POLR3G: variants seen among roughly 807,000 people sequenced by gnomAD.
The protein encoded by POLR3G is RNA polymerase III subunit G.
In POLR3G, 28 loss-of-function variants were observed where a neutral mutation model predicts 30.1. The observed-to-expected ratio is 0.93, with a 90% CI of 0.69 to 1.27. The LOEUF is 1.27. Ranked by LOEUF, POLR3G falls within the 50% of genes most tolerant of loss-of-function variation. The probability of loss-of-function intolerance (pLI) is 0.00; values close to 1 mark genes in which losing one functional copy is unlikely to be tolerated. For missense variants in POLR3G, 254 were observed against 264.6 expected (o/e 0.96, Z 0.28); for synonymous variants, 79 against 82.5 (o/e 0.96, Z 0.23).
upstream of POLR3G, chr5:90,474,624 A>C (rs370357466): frequency 3.0e-6 from 1 of 337,940 alleles, no homozygotes; most frequent in African/African-American, 2.2e-5. Flanking sequence ...CAGAATGGAG[A>C]CTCAGGTGGC....
At chr5:90,494,956 G>A (rs1474933532) in intron 3 of POLR3G, among the ~76,000 whole-genome samples, 2 of 152,108 alleles carry the variant, frequency 1.3e-5, no homozygotes, top group African/African-American at 4.8e-5. Flanking sequence ...AGAAGTCATT[G>A]TGTTACAAAT....
At chr5:90,492,578 CTT>C (rs1001202947) in intron 3 of POLR3G, among the ~76,000 whole-genome samples, 1 of 152,086 alleles carries the variant, frequency 6.6e-6, no homozygotes, top group Non-Finnish European at 1.5e-5. Flanking sequence ...GCCATCCTCT[CTT>C]CAATAGAAGT....
At chr5:90,485,427 A>G (rs758544322) in intron 1 of POLR3G, 98 bp from the exon 2 acceptor site, 42 of 644,006 alleles carry the variant, frequency 6.5e-5, no homozygotes, top group Non-Finnish European at 9.4e-5. Flanking sequence ...AAAGTATTTT[A>G]AGTCAACTGT....
intron 1 of POLR3G, among the ~76,000 whole-genome samples, chr5:90,484,716 G>A (rs980856225): frequency 6.6e-6 from 1 of 152,112 alleles, no homozygotes; most frequent in Admixed American, 6.6e-5. Flanking sequence ...GTGGTCCAGG[G>A]GACATACCAT....
chr5:90,484,489 G>A (rs1751311318), intron 1 of POLR3G, among the ~76,000 whole-genome samples: 2 of 152,204 alleles, frequency 1.3e-5, no homozygotes, highest in Non-Finnish European at 1.5e-5. Flanking sequence ...TAAAGACGTA[G>A]CACCTTGTTG....
chr5:90,506,723 TA>T (rs1305691770), intron 7 of POLR3G, 49 bp downstream of exon 7: 17 of 1,550,526 alleles, frequency 1.1e-5, no homozygotes, highest in Non-Finnish European at 1.5e-5. Context: ...GTTTATCTAA[TA>T]AGGAATCAGA....
At chr5:90,494,558 A>AT (rs1181463573) in intron 3 of POLR3G, among the ~76,000 whole-genome samples, 4 of 148,118 alleles carry the variant, frequency 2.7e-5, no homozygotes, top group South Asian at 2.1e-4. Flanking sequence ...AACATTTCTT[A>AT]TTTTTTTTTT....
Position 90,495,714 on chromosome 5 carries a change from C to G in POLR3G, c.285C>G (p.Tyr95Ter). Residue 95 changes from tyrosine (Y) to a stop codon, truncating the protein, a stop_gained, in exon 4 of 8, where the codon TAC (tyrosine) becomes TAG (stop). Transcript: ENST00000651687. LOFTEE classifies it high-confidence loss of function. ...ERYSKRYMKV[Y>*]KEEWIPDWRR... The stretch of plus-strand genomic sequence containing the variant: ...ATAGTAAAAGATACATGAAGGTATA[C>G]AAGGAAGAATGGATACCAGGTAACT... 1.9e-6 allele frequency: 3 copies of G among 1,597,266 alleles called. No individual in the cohort carries two copies. Among genetic ancestry groups the G allele is most frequent in the Non-Finnish European group, 2.6e-6 (3 of 1,172,626 alleles).
chr5:90,509,295 A>G (rs1017785974), intron 7 of POLR3G, among the ~76,000 whole-genome samples: 1 of 151,850 alleles, frequency 6.6e-6, no homozygotes, highest in Non-Finnish European at 1.5e-5. Flanking sequence ...TCTTGCTGTA[A>G]TCTCTCTGAT....
chr5:90,510,738 T>C (rs534406013), intron 7 of POLR3G, among the ~76,000 whole-genome samples: 83 of 152,178 alleles, frequency 5.5e-4, no homozygotes, highest in African/African-American at 2.0e-3. Flanking sequence ...CTTAGCTGAA[T>C]GCAGAAACTT....
At chr5:90,485,846 T>C (rs1311198733) in intron 2 of POLR3G, among the ~76,000 whole-genome samples, 162 bp downstream of exon 2, 1 of 152,222 alleles carries the variant, frequency 6.6e-6, no homozygotes, top group Non-Finnish European at 1.5e-5. Flanking sequence ...TGATCTGCTT[T>C]CTTAAAATAT....
intron 3 of POLR3G, 54 bp from the exon 4 acceptor site, chr5:90,495,623 G>C: frequency 6.3e-7 from 1 of 1,580,696 alleles, no homozygotes; most frequent in Non-Finnish European, 8.6e-7. Flanking sequence ...AATGGCTTAA[G>C]TTCAGGGTTA....
In POLR3G at chr5:90,488,250, T is replaced by C. The variant is rs1022739156; in HGVS notation, c.247+121T>C. On this transcript the variant is annotated intron_variant, in intron 3 of 7. Transcript: ENST00000651687. ...GATTCAATAAAAAATTATCAACTAC[T>C]TTGAAAAAGCTATTTATGTTGCTTT... The C allele has an allele frequency of 6.3e-5, 52 of 830,050 alleles. No homozygotes were observed. The Middle Eastern group carries it at 8.0e-4, about 13-fold the overall frequency. 51.4% of individuals were successfully genotyped at this position (830,050 alleles called of 1,614,324 possible). A position where few individuals can be genotyped will look rare whatever the true frequency, so the allele number is the denominator to read the frequency against.
intron 2 of POLR3G, among the ~76,000 whole-genome samples, chr5:90,487,042 A>C (rs2151903720): frequency 6.6e-6 from 1 of 152,322 alleles, no homozygotes; most frequent in South Asian, 2.1e-4. Context: ...ATTTGTGTAA[A>C]TATATACACA....
At chr5:90,500,152 A>G (rs1752179500) in intron 5 of POLR3G, among the ~76,000 whole-genome samples, 1 of 152,142 alleles carries the variant, frequency 6.6e-6, no homozygotes, top group Non-Finnish European at 1.5e-5. Flanking sequence ...TTGCTCTAGT[A>G]TTTTTTATTA....
chr5:90,485,829 AT>A (rs1396607998), intron 2 of POLR3G, 145 bp downstream of exon 2: 2 of 563,682 alleles, frequency 3.5e-6, no homozygotes, highest in Non-Finnish European at 6.2e-6. Flanking sequence ...ACCTTTAAAT[AT>A]TTTCATGATC....
chr5:90,490,607 C>CT, intron 3 of POLR3G: 1 of 348,114 alleles, frequency 2.9e-6, no homozygotes. Context: ...GGGAGTCTTG[C>CT]TTTTTTGCTC....
intron 2 of POLR3G, 117 bp downstream of exon 2, chr5:90,485,801 G>A: frequency 1.5e-6 from 1 of 677,142 alleles, no homozygotes; most frequent in Admixed American, 3.0e-5. Context: ...AGAAAGTAAA[G>A]GAGAGTGTGT....
chr5:90,485,855 A>G (rs999794544), intron 2 of POLR3G, among the ~76,000 whole-genome samples, 171 bp downstream of exon 2: 2 of 152,234 alleles, frequency 1.3e-5, no homozygotes, highest in African/African-American at 4.8e-5. Context: ...TTCTTAAAAT[A>G]TAGAAAACAA....
Sources: allele counts gnomAD v4.1 joint callset (sites outside exome capture counted in the v4.1 genomes callset), GRCh38; gene constraint gnomAD v4.1.1; transcripts MANE v1.5; gene names NCBI Gene and HGNC (gene_info 2026-07-23, HGNC 2026-07-21).